Variants in SLIT3 observed in about 807,000 individuals in gnomAD.
The protein encoded by SLIT3 is slit guidance ligand 3, also known as slit homolog 3 protein.
Under a neutral mutation model 184.0 loss-of-function variants are expected in SLIT3, and 68 were observed. The observed-to-expected ratio is 0.37, with a 90% CI of 0.30 to 0.45. The LOEUF is 0.45. SLIT3 is among the 20% of genes least tolerant of loss of function. SLIT3 has a pLI of 1.00. For missense variants in SLIT3, 1,707 were observed against 2,026.0 expected (o/e 0.84, Z 3.02); for synonymous variants, 831 against 828.6 (o/e 1.00, Z -0.05).
intron 12 of SLIT3, among the ~76,000 whole-genome samples, chr5:168,781,033 T>C (rs367633993): frequency 1.3e-5 from 2 of 152,188 alleles, no homozygotes; most frequent in Non-Finnish European, 2.9e-5. Flanking sequence ...GCTCTTCCCT[T>C]CTCTCCTGTT....
At chr5:169,265,060 G>A (rs1766344199) in intron 1 of SLIT3, among the ~76,000 whole-genome samples, 1 of 152,220 alleles carries the variant, frequency 6.6e-6, no homozygotes, top group Non-Finnish European at 1.5e-5. Context: ...GTGAGGGCAT[G>A]TAAAGAGGAG....
intron 5 of SLIT3, among the ~76,000 whole-genome samples, chr5:168,872,099 C>T (rs1759543627): frequency 6.6e-6 from 1 of 152,198 alleles, no homozygotes; most frequent in South Asian, 2.1e-4. Flanking sequence ...TGCACTTTGA[C>T]ACATGGGAGT....
intron 4 of SLIT3, among the ~76,000 whole-genome samples, chr5:168,887,669 C>T (rs558433930): frequency 1.1e-4 from 17 of 152,144 alleles, no homozygotes; most frequent in South Asian, 2.1e-4. Context: ...ACGGATAGTG[C>T]GCCCAGAAAC....
rs185696406 is a variant in SLIT3 at position 169,128,341 on chromosome 5, C to G, written c.413+65138G>C. Among the ~76,000 whole-genome samples, 588 of 150,940 alleles carry G rather than the reference C, an allele frequency of 3.9e-3. 5 individuals are homozygous for G. The highest frequency in any genetic ancestry group is 0.014 in the African/African-American group (564 of 41,224). ...TTTTAAATTTGTCTGAAACACTGCC[C>G]TAAGAAATCACTTCGCTCTTCAGTA... On this transcript the variant is annotated intron_variant, in intron 4 of 35. Transcript: ENST00000519560.
chr5:168,841,652 T>G (rs1207936491), intron 6 of SLIT3, among the ~76,000 whole-genome samples: 1 of 152,216 alleles, frequency 6.6e-6, no homozygotes, highest in Non-Finnish European at 1.5e-5. Flanking sequence ...TCTCATTCAA[T>G]GTAACTGGTA....
intron 5 of SLIT3, among the ~76,000 whole-genome samples, chr5:168,845,419 T>A (rs922882065): frequency 6.6e-6 from 1 of 152,194 alleles, no homozygotes; most frequent in Non-Finnish European, 1.5e-5. Context: ...AGAAGGAATA[T>A]CGTTATTGCC....
intron 1 of SLIT3, among the ~76,000 whole-genome samples, chr5:169,289,729 G>A (rs950082765): frequency 6.6e-5 from 10 of 152,206 alleles, no homozygotes; most frequent in African/African-American, 2.4e-4. Flanking sequence ...AGGGCAAGAA[G>A]CCAAGCTAGA....
At chr5:169,255,838 G>C (rs535922874) in intron 1 of SLIT3, among the ~76,000 whole-genome samples, 2 of 152,106 alleles carry the variant, frequency 1.3e-5, no homozygotes, top group Non-Finnish European at 2.9e-5. Context: ...AGCCGAGATC[G>C]CGCCACTGCA....
intron 4 of SLIT3, among the ~76,000 whole-genome samples, chr5:169,042,034 GTCT>G (rs1347308466): frequency 6.6e-6 from 1 of 152,158 alleles, no homozygotes; most frequent in Non-Finnish European, 1.5e-5. Context: ...TCTCCCACCT[GTCT>G]TCTTGGTTTG....
chr5:169,032,150 A>C lies in SLIT3; in HGVS notation c.414-148814T>G, dbSNP rs1019452137. 3.9e-5 allele frequency among the ~76,000 whole-genome samples: 6 copies of C among 152,216 alleles called. No homozygotes were observed. In the South Asian group the frequency reaches 1.0e-3, roughly 26 times the overall value. ...AGCGGGTTATTAGGATGCCTAATTC[A>C]TGTCAGTGAAAGTCGACTGTAAATG... On this transcript the variant is annotated intron_variant, in intron 4 of 35. Coordinates refer to ENST00000519560, the MANE Select transcript of SLIT3 (RefSeq NM_003062.4).
At chr5:168,908,488 C>A (rs1446806604) in intron 4 of SLIT3, among the ~76,000 whole-genome samples, 1 of 152,108 alleles carries the variant, frequency 6.6e-6, no homozygotes, top group Non-Finnish European at 1.5e-5. Flanking sequence ...ACTGAAGAGC[C>A]TGAATTAATA....
chr5:169,256,481 A>G (rs1366210928), intron 1 of SLIT3, among the ~76,000 whole-genome samples: 1 of 152,226 alleles, frequency 6.6e-6, no homozygotes, highest in Non-Finnish European at 1.5e-5. Flanking sequence ...AAGTGCACTC[A>G]TGACTTTCAC....
At chr5:169,138,216 A>C (rs971248246) in intron 4 of SLIT3, among the ~76,000 whole-genome samples, 4 of 152,162 alleles carry the variant, frequency 2.6e-5, no homozygotes, top group Non-Finnish European at 5.9e-5. Flanking sequence ...TAGCCCTTGC[A>C]ATATGGGAGC....
chr5:168,888,220 G>A (rs1760297402), intron 4 of SLIT3, among the ~76,000 whole-genome samples: 1 of 152,204 alleles, frequency 6.6e-6, no homozygotes, highest in Non-Finnish European at 1.5e-5. Flanking sequence ...AATATGATGG[G>A]GAACTCCTGT....
At chr5:168,978,242 A>T (rs1754833093) in intron 4 of SLIT3, among the ~76,000 whole-genome samples, 1 of 152,232 alleles carries the variant, frequency 6.6e-6, no homozygotes, top group South Asian at 2.1e-4. Flanking sequence ...CCATGTGCAG[A>T]CAATTGGAGG....
intron 4 of SLIT3, among the ~76,000 whole-genome samples, chr5:168,906,713 T>C (rs1761066887): frequency 2.0e-5 from 3 of 152,194 alleles, no homozygotes; most frequent in African/African-American, 7.2e-5. Context: ...TAACTCTAGA[T>C]ATTTCTGCAT....
At chr5:168,976,272 CTT>C (rs528731935) in intron 4 of SLIT3, among the ~76,000 whole-genome samples, 177 of 152,304 alleles carry the variant, frequency 1.2e-3, no homozygotes, top group Middle Eastern at 3.4e-3. Flanking sequence ...CTGATACACT[CTT>C]TTGCAAACTA....
intron 4 of SLIT3, among the ~76,000 whole-genome samples, chr5:169,135,573 C>T (rs180758338): frequency 6.6e-6 from 1 of 152,204 alleles, no homozygotes; most frequent in Non-Finnish European, 1.5e-5. Context: ...TGCCTTTTAT[C>T]AGTGGTAGTG....
intron 5 of SLIT3, among the ~76,000 whole-genome samples, chr5:168,856,522 T>TG (rs1402981904): frequency 6.6e-6 from 1 of 152,174 alleles, no homozygotes; most frequent in Non-Finnish European, 1.5e-5. Flanking sequence ...CAGCTTGCTT[T>TG]GGGGGTACTC....
Sources: allele counts gnomAD v4.1 joint callset (sites outside exome capture counted in the v4.1 genomes callset), GRCh38; gene constraint gnomAD v4.1.1; transcripts MANE v1.5; gene names NCBI Gene and HGNC (gene_info 2026-07-23, HGNC 2026-07-21).